PDLIM7: variants seen among roughly 807,000 people sequenced by gnomAD.
PDLIM7 encodes PDZ and LIM domain 7.
PDLIM7 carries 37 observed loss-of-function variants against 53.9 expected under a neutral mutation model. That is an observed-to-expected ratio of 0.69 (90% CI 0.53 to 0.90). The LOEUF is 0.90. PDLIM7 is among the 40% of genes least tolerant of loss of function. PDLIM7 has a pLI of 0.00. For missense variants in PDLIM7, 617 were observed against 638.5 expected (o/e 0.97, Z 0.36); for synonymous variants, 300 against 261.3 (o/e 1.15, Z -1.43).
At chr5:177,489,038 G>A (rs1374052358) in intron 9 of PDLIM7, among the ~76,000 whole-genome samples, 1 of 152,230 alleles carries the variant, frequency 6.6e-6, no homozygotes. Flanking sequence ...CTCCAGGCCT[G>A]TATGCTCTGA....
chr5:177,489,898 T>C (rs765669928), intron 7 of PDLIM7, 66 bp from the exon 8 acceptor site: 26 of 1,543,498 alleles, frequency 1.7e-5, no homozygotes, highest in Non-Finnish European at 2.2e-5. Context: ...CCCCCCAACC[T>C]GGGTCCTGCT....
At chr5:177,492,020 C>A in intron 4 of PDLIM7, 95 bp from the exon 5 acceptor site, 1 of 541,064 alleles carries the variant, frequency 1.8e-6, no homozygotes, top group Admixed American at 3.9e-5. Flanking sequence ...AGCGGCAGCT[C>A]CAGCCCCCCA....
intron 7 of PDLIM7, chr5:177,490,172 A>T: frequency 6.9e-7 from 1 of 1,445,774 alleles, no homozygotes; most frequent in Admixed American, 2.3e-5. Context: ...GGGCCCAAAC[A>T]GTCCGAACCA....
intron 10 of PDLIM7, among the ~76,000 whole-genome samples, chr5:177,486,164 C>T (rs578020473): frequency 4.5e-4 from 69 of 152,084 alleles, no homozygotes; most frequent in Non-Finnish European, 8.5e-4. Flanking sequence ...AGCAATCCTC[C>T]CACCTTGGCC....
In PDLIM7 at chr5:177,490,356, G is replaced by A. The variant is rs1001451694; in HGVS notation, c.572+514C>T. 12 of 1,457,672 alleles carry A rather than the reference G, an allele frequency of 8.2e-6. No homozygotes were observed. The African/African-American group carries it at 1.7e-4, about 21-fold the overall frequency. The allele number at this position is 1,457,672 out of a possible 1,614,324, so 90.3% of individuals were successfully genotyped here. On this transcript the variant is annotated intron_variant, in intron 7 of 12. Coordinates refer to ENST00000355841, the MANE Select transcript of PDLIM7 (RefSeq NM_005451.5). The stretch of plus-strand genomic sequence containing the variant: ...CAGATGAACCCAGGTGGGCGGCCAG[G>A]GCCAGGCCAGCAGGAGGCTCAGGCC...
rs1581748531 is a variant in PDLIM7 at position 177,483,493 on chromosome 5, T to G, written c.*151A>C. ...TGGTGGAGGGAGTGGGGTGGGAGGATAAGGTGGGTGGGGCAGGGCCCAGGG... is the reference window on the plus strand; with the variant it reads ...TGGTGGAGGGAGTGGGGTGGGAGGAGAAGGTGGGTGGGGCAGGGCCCAGGG... On this transcript the variant is annotated 3_prime_UTR_variant, in exon 13 of 13. Transcript: ENST00000355841. 6.9e-6 allele frequency: 4 copies of G among 578,210 alleles called. No individual in the cohort carries two copies. Among genetic ancestry groups the G allele is most frequent in the African/African-American group, 6.4e-5 (3 of 46,678 alleles). The allele number at this position is 578,210 out of a possible 1,614,324, so 35.8% of individuals were successfully genotyped here.
At chr5:177,486,341 C>T (rs1225358450) in intron 10 of PDLIM7, among the ~76,000 whole-genome samples, 1 of 152,226 alleles carries the variant, frequency 6.6e-6, no homozygotes, top group African/African-American at 2.4e-5. Context: ...CCCTCCACAA[C>T]ACCTGTACCC....
In PDLIM7 at chr5:177,492,525, C is replaced by A. The variant is rs150549447; in HGVS notation, c.248+1G>T. On this transcript the variant is annotated splice_donor_variant, in intron 3 of 12. Transcript: ENST00000355841. LOFTEE classifies it high-confidence loss of function. ...GCACCCATCCATGTCCACCCGCATACCTGCTGAGGCCCAGGCTGAGGCGCT... is the reference window on the plus strand; with the variant it reads ...GCACCCATCCATGTCCACCCGCATAACTGCTGAGGCCCAGGCTGAGGCGCT... 1 of 1,613,616 alleles carries A rather than the reference C, an allele frequency of 6.2e-7. No individual in the cohort carries two copies. The highest frequency in any genetic ancestry group is 1.3e-5 in the African/African-American group (1 of 74,946).
In PDLIM7 at chr5:177,490,859, C is replaced by CG. The variant is rs1758732560; in HGVS notation, c.572+10dup. On this transcript the variant is annotated intron_variant, in intron 7 of 12. Coordinates refer to ENST00000355841, the MANE Select transcript of PDLIM7 (RefSeq NM_005451.5). ...AGGAGGTGGGAGAGGGGCTGGTGCCCGTCCCTGTACCTTGATTTCTTCAGG... is the reference window on the plus strand; with the variant it reads ...AGGAGGTGGGAGAGGGGCTGGTGCCCGGTCCCTGTACCTTGATTTCTTCAGG... 1 of 1,613,662 alleles carries CG rather than the reference C, an allele frequency of 6.2e-7. No individual in the cohort carries two copies. Among genetic ancestry groups the CG allele is most frequent in the East Asian group, 2.2e-5 (1 of 44,884 alleles).
At chr5:177,486,787 T>G (rs60156661) in intron 10 of PDLIM7, among the ~76,000 whole-genome samples, 7 of 150,056 alleles carry the variant, frequency 4.7e-5, no homozygotes, top group Non-Finnish European at 1.0e-4. Flanking sequence ...TACTCCACCA[T>G]GCCCGGCCAA....
At position 177,483,868 on chromosome 5, in the gene PDLIM7, G is replaced by A. The variant is rs200366054; in HGVS notation, c.1286C>T (p.Ala429Val). 339 of 1,612,424 alleles carry A rather than the reference G, an allele frequency of 2.1e-4. No homozygotes were observed. Among genetic ancestry groups the A allele is most frequent in the Non-Finnish European group, 2.6e-4 (311 of 1,179,090 alleles). The change falls in exon 12 of 13, where the codon GCG (alanine) becomes GTG (valine). Residue 429 changes from alanine to valine, a missense_variant and splice_region_variant. Transcript: ENST00000355841. ...FSWHDTCFVC[A>V]ICQINLEGKT... Reference sequence around the variant, plus strand: ...CAGTTCGAGGGGCGGGGCTCTCACCGCACAGACGAAGCAGGTGTCATGCCA... The same window carrying A: ...CAGTTCGAGGGGCGGGGCTCTCACCACACAGACGAAGCAGGTGTCATGCCA...
intron 7 of PDLIM7, chr5:177,490,349 C>T (rs1042931978): frequency 2.5e-5 from 37 of 1,451,358 alleles, no homozygotes; most frequent in Middle Eastern, 5.0e-4. Flanking sequence ...CCCAGGTGGG[C>T]GGCCAGGGCC....
Position 177,489,545 on chromosome 5 carries a change from C to T in PDLIM7, c.717G>A (p.Thr239=), listed in dbSNP as rs760525247. 204 of 1,610,462 alleles carry T rather than the reference C, an allele frequency of 1.3e-4. No homozygotes were observed. Among genetic ancestry groups the T allele is most frequent in the Middle Eastern group, 1.6e-4 (1 of 6,076 alleles). Residue 239 remains threonine (T), a synonymous_variant, in exon 9 of 13, where the codon ACG becomes ACA. Transcript: ENST00000355841. ...AFAERYAPDK[T]STVLTRHSQP... ...GGCTGTGCCGGGTCAGCACTGTGCTCGTTTTGTCCGGGGCATAGCGCTCGG... is the reference window on the plus strand; with the variant it reads ...GGCTGTGCCGGGTCAGCACTGTGCTTGTTTTGTCCGGGGCATAGCGCTCGG...
intron 5 of PDLIM7, chr5:177,491,396 T>C: frequency 1.3e-6 from 2 of 1,551,704 alleles, no homozygotes; most frequent in East Asian, 2.4e-5. Flanking sequence ...AGAGGGGGGC[T>C]CACTGACTTG....
At chr5:177,490,602 C>CAG (rs780475153) in intron 7 of PDLIM7, 34 of 1,537,688 alleles carry the variant, frequency 2.2e-5, no homozygotes, top group Non-Finnish European at 2.5e-5. Flanking sequence ...CCCTGAGGGG[C>CAG]AGAGAGAGAG....
At position 177,490,728 on chromosome 5, in the gene PDLIM7, AGG is replaced by A. The variant is rs1561703083; in HGVS notation, c.572+140_572+141del. 26 of 660,900 alleles carry A rather than the reference AGG, an allele frequency of 3.9e-5. No homozygotes were observed. The Middle Eastern group carries it at 1.3e-3, about 33-fold the overall frequency. The allele number at this position is 660,900 out of a possible 1,614,324, so 40.9% of individuals were successfully genotyped here. A position where few individuals can be genotyped will look rare whatever the true frequency, so the allele number is the denominator to read the frequency against. On this transcript the variant is annotated intron_variant, in intron 7 of 12. Coordinates refer to ENST00000355841, the MANE Select transcript of PDLIM7 (RefSeq NM_005451.5). Reference sequence around the variant, plus strand: ...AAGGAGGAAGGGAAGGAAGGAAGGAAGGAAGGAAGGAAGGAAGGAAGGAAGGA... The same window carrying A: ...AAGGAGGAAGGGAAGGAAGGAAGGAAAAGGAAGGAAGGAAGGAAGGAAGGA...
chr5:177,488,705 A>G (rs1439431899), intron 9 of PDLIM7, among the ~76,000 whole-genome samples: 1 of 152,208 alleles, frequency 6.6e-6, no homozygotes, highest in Admixed American at 6.5e-5. Context: ...AGCCTGGCCA[A>G]CATGGTAAAA....
Position 177,488,179 on chromosome 5 carries a change from C to T in PDLIM7, c.939G>A (p.Lys313=), listed in dbSNP as rs922977049. ...CAAAGAAGCCACCCTCTTCCAGGAC[C>T]TTCCCACACTGGCTACACACAAACT... ...PEEFVCSQCG[K]VLEEGGFFEE... is the part of the protein sequence containing the mutation. Residue 313 remains lysine (K), a synonymous_variant, in exon 10 of 13, where the codon AAG becomes AAA. Transcript: ENST00000355841. The T allele has an allele frequency of 1.9e-6, 3 of 1,613,378 alleles. No homozygotes were observed. The highest frequency in any genetic ancestry group is 2.2e-5 in the South Asian group (2 of 91,086).
rs563765827 is a variant in PDLIM7 at position 177,489,801 on chromosome 5, C to A, written c.604G>T (p.Ala202Ser). ...CAGGGCTCCTGGGGTGTAGATGAGGCTGGGGCTGGGGCTTCTGTCCTGGGC... is the reference window on the plus strand; with the variant it reads ...CAGGGCTCCTGGGGTGTAGATGAGGATGGGGCTGGGGCTTCTGTCCTGGGC... Reference protein sequence around the residue: ...QVPRTEAPAPASSTPQEPWPG... With the variant: ...QVPRTEAPAPSSSTPQEPWPG... Residue 202 changes from alanine (A) to serine (S), a missense_variant, in exon 8 of 13, where the codon GCC (alanine) becomes TCC (serine). Physicochemically the swap from Ala to Ser is moderately conservative, Grantham distance 99 (BLOSUM62 1). Transcript: ENST00000355841. 3 of 1,574,868 alleles carry A rather than the reference C, an allele frequency of 1.9e-6. No individual in the cohort carries two copies. The East Asian group carries it at 7.0e-5, about 36-fold the overall frequency.
Sources: allele counts gnomAD v4.1 joint callset (sites outside exome capture counted in the v4.1 genomes callset), GRCh38; gene constraint gnomAD v4.1.1; transcripts MANE v1.5; gene names NCBI Gene and HGNC (gene_info 2026-07-23, HGNC 2026-07-21).